The following NPTN variants were observed in gnomAD, a reference collection of about 807,000 sequenced individuals.
NPTN encodes SDR-1.
In NPTN, 5 loss-of-function variants were observed where a neutral mutation model predicts 42.7. That is an observed-to-expected ratio of 0.12 (90% CI 0.06 to 0.25). The LOEUF (loss-of-function observed/expected upper bound fraction) is 0.25, where lower values mean the gene tolerates loss of function less well. NPTN is among the 10% of genes least tolerant of loss of function. The pLI is 1.00. For missense variants in NPTN, 307 were observed against 525.4 expected, an observed-to-expected ratio of 0.58 and a Z score of 4.06; for synonymous variants, 180 against 201.9, an observed-to-expected ratio of 0.89 and a Z score of 0.92.
At chr15:73,593,820 G>T (rs1434694693) in intron 2 of NPTN, among the ~76,000 whole-genome samples, 3 of 152,124 alleles carry the variant, frequency 2.0e-5, no homozygotes, top group Admixed American at 6.5e-5. Context: ...ATCAAACAGG[G>T]TCTCTATGTA....
intron 2 of NPTN, among the ~76,000 whole-genome samples, 157 bp downstream of exon 2, chr15:73,596,865 A>G (rs1177671688): frequency 6.6e-6 from 1 of 152,086 alleles, no homozygotes; most frequent in Non-Finnish European, 1.5e-5. Flanking sequence ...ATGTTTTCAT[A>G]CACTACAACC....
intron 1 of NPTN, among the ~76,000 whole-genome samples, chr15:73,625,233 T>C (rs1014242011): frequency 2.6e-4 from 40 of 152,244 alleles, no homozygotes; most frequent in African/African-American, 9.2e-4. Flanking sequence ...CACAGATTAA[T>C]AATAGGTAAT....
intron 4 of NPTN, among the ~76,000 whole-genome samples, chr15:73,580,402 ATATATATAAT>A: frequency 9.7e-6 from 1 of 103,300 alleles, no homozygotes; most frequent in South Asian, 2.9e-4. Flanking sequence ...TATATATATT[ATATATATAAT>A]ATATATATAA....
chr15:73,572,366 G>A (rs1218885531), intron 5 of NPTN, among the ~76,000 whole-genome samples: 1 of 152,166 alleles, frequency 6.6e-6, no homozygotes, highest in Non-Finnish European at 1.5e-5. Context: ...AAAAGGTAAT[G>A]GGTCAACAAT....
intron 4 of NPTN, among the ~76,000 whole-genome samples, chr15:73,584,616 A>G (rs1050328364): frequency 1.3e-5 from 2 of 152,002 alleles, no homozygotes; most frequent in Admixed American, 6.6e-5. Context: ...TTTGGGCTCC[A>G]TAAGGCCTCA....
chr15:73,576,718 G>A (rs1414000873), intron 4 of NPTN, among the ~76,000 whole-genome samples: 1 of 152,110 alleles, frequency 6.6e-6, no homozygotes, highest in African/African-American at 2.4e-5. Flanking sequence ...AGTATTTGAG[G>A]GTACAAACCC....
chr15:73,599,607 C>T (rs1366773761), intron 1 of NPTN: 1 of 137,682 alleles, frequency 7.3e-6, no homozygotes, highest in African/African-American at 2.9e-5. Context: ...GAGCGAGACT[C>T]CGTCAAAAAA....
intron 5 of NPTN, among the ~76,000 whole-genome samples, chr15:73,571,607 G>C (rs1566960110): frequency 1.3e-5 from 2 of 152,124 alleles, no homozygotes; most frequent in Non-Finnish European, 2.9e-5. Context: ...GTGCAGGCAG[G>C]GATTCGCATG....
Position 73,569,216 on chromosome 15 carries a change from G to C in NPTN, c.1114+934C>G. 1.0e-6 allele frequency: 1 copy of C among 985,512 alleles called. No homozygotes were observed. Among genetic ancestry groups the C allele is most frequent in the Non-Finnish European group, 1.2e-6 (1 of 830,010 alleles). The allele number at this position is 985,512 out of a possible 1,614,324, so 61.0% of individuals were successfully genotyped here. A position where few individuals can be genotyped will look rare whatever the true frequency, so the allele number is the denominator to read the frequency against. On this transcript the variant is annotated intron_variant, in intron 6 of 8. Transcript: ENST00000345330. This position sits in a 1 kb window ranked among gnomAD's most constrained non-coding sequence, Gnocchi z 4.1. The stretch of plus-strand genomic sequence containing the variant: ...TTTCTGTACGCCGGTCATGTTATAG[G>C]GTGGGGATGGGGAGCCAGCTGGGAA...
chr15:73,625,479 C>T (rs1450821806), intron 1 of NPTN, among the ~76,000 whole-genome samples: 4 of 152,070 alleles, frequency 2.6e-5, no homozygotes, highest in South Asian at 4.1e-4. Flanking sequence ...CTACAGGTGC[C>T]GGCGACCACC....
intron 1 of NPTN, among the ~76,000 whole-genome samples, chr15:73,630,774 C>A (rs1265213505): frequency 6.6e-6 from 1 of 152,214 alleles, no homozygotes; most frequent in Non-Finnish European, 1.5e-5. Context: ...TTTGAAAGCA[C>A]TGTAAGAAAA....
Position 73,633,105 on chromosome 15 carries a change from GC to G in NPTN, c.91+19del. On this transcript the variant is annotated intron_variant, in intron 1 of 8. Coordinates refer to ENST00000345330, the MANE Select transcript of NPTN (RefSeq NM_012428.4). ...GCGCCCCTCAACCCCCGCCCGGCCC[GC>G]CCCCGGCGCCCCGCTTACCGTTCTG... 6 of 1,257,554 alleles carry G rather than the reference GC, an allele frequency of 4.8e-6. No individual in the cohort carries two copies. The highest frequency in any genetic ancestry group is 6.4e-6 in the Non-Finnish European group (6 of 936,162). 77.9% of individuals were successfully genotyped at this position (1,257,554 alleles called of 1,614,324 possible).
At position 73,560,126 on chromosome 15, in the gene NPTN, C is replaced by A. The variant is rs760998251; in HGVS notation, c.*937G>T. The A allele has an allele frequency of 2.6e-5, 11 of 427,572 alleles. No homozygotes were observed. In the South Asian group the frequency reaches 3.8e-4, roughly 15 times the overall value. 26.5% of individuals were successfully genotyped at this position (427,572 alleles called of 1,614,324 possible). On this transcript the variant is annotated 3_prime_UTR_variant, in exon 9 of 9. Transcript: ENST00000345330. ...AGTACATGCATCTACAATTACGCAC[C>A]GCATGAGAACCGTTAGGTTATAAAA...
chr15:73,562,078 G>A (rs1254061409), intron 7 of NPTN, 108 bp from the exon 8 acceptor site: 1 of 821,642 alleles, frequency 1.2e-6, no homozygotes, highest in Non-Finnish European at 2.0e-6. Flanking sequence ...CCCTGGTGTA[G>A]TGAGAAATTT....
chr15:73,589,307 G>C (rs1896475244), intron 3 of NPTN, among the ~76,000 whole-genome samples: 2 of 152,142 alleles, frequency 1.3e-5, no homozygotes, highest in South Asian at 4.1e-4. Flanking sequence ...ACTCCAGCCT[G>C]GGTGACAGAG....
chr15:73,620,563 G>A (rs1029177998), intron 1 of NPTN, among the ~76,000 whole-genome samples: 11 of 152,132 alleles, frequency 7.2e-5, no homozygotes, highest in African/African-American at 2.4e-4. Context: ...GAATTGTCCC[G>A]CTTCCTATAC....
intron 1 of NPTN, among the ~76,000 whole-genome samples, chr15:73,608,355 C>T (rs1414801247): frequency 1.3e-5 from 2 of 152,174 alleles, no homozygotes; most frequent in Non-Finnish European, 2.9e-5. Context: ...TTTTGTTGGA[C>T]TAACGTATAC....
intron 1 of NPTN, among the ~76,000 whole-genome samples, chr15:73,600,110 A>T (rs1280947951): frequency 1.3e-5 from 2 of 152,196 alleles, no homozygotes; most frequent in Non-Finnish European, 2.9e-5. Context: ...CCCACTGCAC[A>T]CAACTGGGCG....
In NPTN at chr15:73,570,010, G is replaced by A. The variant is rs544772061; in HGVS notation, c.1114+140C>T. 3 of 752,466 alleles carry A rather than the reference G, an allele frequency of 4.0e-6. No individual in the cohort carries two copies. In the Admixed American group the frequency reaches 9.6e-5, roughly 24 times the overall value. 46.6% of individuals were successfully genotyped at this position (752,466 alleles called of 1,614,324 possible). On this transcript the variant is annotated intron_variant, in intron 6 of 8. Coordinates refer to ENST00000345330, the MANE Select transcript of NPTN (RefSeq NM_012428.4). This position sits in a 1 kb window ranked among gnomAD's most constrained non-coding sequence, Gnocchi z 4.0. ...AAATAAAAAACTCTTACGGGTAGGG[G>A]GTTAGGAACTGGTATAAGAATTTTC...
Sources: allele counts gnomAD v4.1 joint callset (sites outside exome capture counted in the v4.1 genomes callset), GRCh38; gene constraint gnomAD v4.1.1; non-coding constraint Gnocchi (gnomAD v3.1); transcripts MANE v1.5; gene names NCBI Gene and HGNC (gene_info 2026-07-23, HGNC 2026-07-21).